MLXIP: variants seen among roughly 807,000 people sequenced by gnomAD.
MLXIP encodes the protein MLX interacting protein.
Under a neutral mutation model 87.2 loss-of-function variants are expected in MLXIP, and 30 were observed. The observed-to-expected ratio is 0.34, with a 90% confidence interval of 0.26 to 0.47. The LOEUF is 0.47. MLXIP is among the 20% of genes least tolerant of loss of function. The pLI, the probability that MLXIP is intolerant of heterozygous loss-of-function variation, is 1.00. For missense variants in MLXIP, 1,002 were observed against 1,240.1 expected, an observed-to-expected ratio of 0.81 and a Z score of 2.88; for synonymous variants, 530 against 514.0, an observed-to-expected ratio of 1.03 and a Z score of -0.42.
At position 122,133,929 on chromosome 12, in the gene MLXIP, G is replaced by A. The variant is rs773764178; in HGVS notation, c.1674G>A (p.Val558=). 7.5e-6 allele frequency: 12 copies of A among 1,607,922 alleles called. No individual in the cohort carries two copies. Among genetic ancestry groups the A allele is most frequent in the Non-Finnish European group, 1.0e-5 (12 of 1,177,574 alleles). ...GGCCTAAGCAGCCCCACAAAATAGTGCCTGCTCCCAAACCAGAGCCCGTGT... is the reference window on the plus strand; with the variant it reads ...GGCCTAAGCAGCCCCACAAAATAGTACCTGCTCCCAAACCAGAGCCCGTGT... The part of the protein sequence containing the change: ...GGRPKQPHKI[V]PAPKPEPVSL... The change falls in exon 9 of 17, where the codon GTG becomes GTA. Residue 558 remains valine, a synonymous_variant. Coordinates refer to ENST00000319080, the MANE Select transcript of MLXIP (RefSeq NM_014938.6). The surrounding 1 kb of genome is among the most constrained non-coding windows in gnomAD (Gnocchi z 4.9).
chr12:122,117,945 T>G (rs1245944418), intron 1 of MLXIP, among the ~76,000 whole-genome samples: 1 of 152,234 alleles, frequency 6.6e-6, no homozygotes, highest in Admixed American at 6.5e-5. Flanking sequence ...AACCTCAGCC[T>G]TGTTAAGTTG....
chr12:122,111,402 T>C (rs1281533422), intron 1 of MLXIP, among the ~76,000 whole-genome samples: 1 of 152,216 alleles, frequency 6.6e-6, no homozygotes, highest in Non-Finnish European at 1.5e-5. Context: ...GTGTCTGCAA[T>C]TGGGTAGAGT....
chr12:122,097,411 A>T (rs1004973118), intron 1 of MLXIP, among the ~76,000 whole-genome samples: 1 of 152,096 alleles, frequency 6.6e-6, no homozygotes. Flanking sequence ...ACTTGAACCC[A>T]GGAGTTCCAT....
intron 1 of MLXIP, among the ~76,000 whole-genome samples, chr12:122,098,728 GTGCTTGACAAAGCCA>G (rs1179962614): frequency 6.6e-6 from 1 of 152,226 alleles, no homozygotes; most frequent in Admixed American, 6.5e-5. Context: ...CTCTTGGGCT[GTGCTTGACAAAGCCA>G]TCATTGTTTT....
intron 9 of MLXIP, chr12:122,134,440 C>A (rs1953045963): frequency 8.2e-6 from 1 of 122,484 alleles, no homozygotes; most frequent in African/African-American, 2.9e-5. Flanking sequence ...GATCTCGGCT[C>A]ACTGCAACCT....
intron 4 of MLXIP, 31 bp downstream of exon 4, chr12:122,129,257 C>T (rs768050322): frequency 6.4e-7 from 1 of 1,568,578 alleles, no homozygotes; most frequent in Non-Finnish European, 8.7e-7. Flanking sequence ...GGCAGCCCGC[C>T]TAGGGAGGGA....
At chr12:122,130,237 A>G in intron 6 of MLXIP, 125 bp downstream of exon 6, 1 of 1,007,460 alleles carries the variant, frequency 9.9e-7, no homozygotes, top group Non-Finnish European at 1.4e-6. Context: ...GGGGGCAGGC[A>G]GTAAGGAAGG....
At position 122,138,905 on chromosome 12, in the gene MLXIP, A is replaced by T; in HGVS notation, c.2475A>T (p.Lys825Asn). Residue 825 changes from lysine to asparagine, a missense_variant, in exon 15 of 17, where the codon AAA (lysine) becomes AAT (asparagine). Around this residue, in one of 3 missense-constraint regions of MLXIP, gnomAD observed 746 missense variants for 897.0 expected, o/e 0.83. Coordinates refer to ENST00000319080, the MANE Select transcript of MLXIP (RefSeq NM_014938.6). ...HMKDMFDEYV[K>N]TRTLQNWKFW... ...AAGACATGTTTGACGAATACGTGAA[A>T]ACCCGGACCTTGCAGAATTGGAAGT... 1.2e-6 allele frequency: 2 copies of T among 1,614,064 alleles called. No individual in the cohort carries two copies. The highest frequency in any genetic ancestry group is 1.7e-6 in the Non-Finnish European group (2 of 1,179,906).
chr12:122,114,759 G>GT (rs1391089094), intron 1 of MLXIP, among the ~76,000 whole-genome samples: 966 of 40,584 alleles, frequency 0.024, 11 homozygotes, highest in Middle Eastern at 0.21. Context: ...TTTTTTTGGT[G>GT]GGGGGGGACA....
intron 9 of MLXIP, chr12:122,134,896 A>T (rs1593114374): frequency 2.9e-6 from 1 of 343,358 alleles, no homozygotes; most frequent in East Asian, 7.9e-5. Context: ...CTGGTCTCGA[A>T]CTCCTGACCT....
chr12:122,132,989 G>A (rs1367899796), intron 8 of MLXIP: 2 of 221,674 alleles, frequency 9.0e-6, no homozygotes, highest in South Asian at 1.6e-4. Context: ...ATTGTCCTCG[G>A]GGATTCCCGA....
At chr12:122,128,968 A>G (rs2135971945) in intron 3 of MLXIP, 169 bp from the exon 4 acceptor site, 4 of 632,618 alleles carry the variant, frequency 6.3e-6, no homozygotes, top group South Asian at 3.7e-5. Flanking sequence ...AGGGTCTGCT[A>G]TAGCATGGAA....
Position 122,133,185 on chromosome 12 carries a change from A to G in MLXIP, c.1093-163A>G, listed in dbSNP as rs1297817722. 8 of 716,712 alleles carry G rather than the reference A, an allele frequency of 1.1e-5. No individual in the cohort carries two copies. Among genetic ancestry groups the G allele is most frequent in the Non-Finnish European group, 1.7e-5 (8 of 469,902 alleles). The allele number at this position is 716,712 out of a possible 1,614,324, so 44.4% of individuals were successfully genotyped here. On this transcript the variant is annotated intron_variant, in intron 8 of 16. Transcript: ENST00000319080. The surrounding 1 kb of genome is among the most constrained non-coding windows in gnomAD (Gnocchi z 4.9). The stretch of plus-strand genomic sequence containing the variant: ...ACAAGACCCCCGCAGACACGCAGGG[A>G]AACACAAATCCCTATCAGATCAGCA...
At chr12:122,114,106 G>C (rs1443209893) in intron 1 of MLXIP, among the ~76,000 whole-genome samples, 1 of 151,106 alleles carries the variant, frequency 6.6e-6, no homozygotes, top group African/African-American at 2.4e-5. Flanking sequence ...TCCTGCCTCA[G>C]CCTCCTAAGT....
At chr12:122,123,756 T>C (rs1447834869) in intron 1 of MLXIP, among the ~76,000 whole-genome samples, 2 of 152,106 alleles carry the variant, frequency 1.3e-5, no homozygotes, top group Non-Finnish European at 2.9e-5. Flanking sequence ...CTGGAGTGCA[T>C]TGGTGCCATC....
intron 7 of MLXIP, 146 bp downstream of exon 7, chr12:122,131,079 T>G: frequency 1.6e-6 from 1 of 609,392 alleles, no homozygotes. Context: ...TGAACTGTTT[T>G]TTGTAGTAAC....
At chr12:122,099,801 A>T (rs990211224) in intron 1 of MLXIP, among the ~76,000 whole-genome samples, 6 of 152,160 alleles carry the variant, frequency 3.9e-5, no homozygotes, top group African/African-American at 1.2e-4. Flanking sequence ...TGGAAATCCC[A>T]GCCCTGAAGG....
intron 16 of MLXIP, 132 bp from the exon 17 acceptor site, chr12:122,141,559 C>T: frequency 1.4e-6 from 2 of 1,413,930 alleles, no homozygotes; most frequent in Non-Finnish European, 1.9e-6. Context: ...TGGCACTCCT[C>T]CCTGCAGTCC....
rs148138950 is a variant in MLXIP, at chr12:122,099,660, G to T, written c.413+20394G>T. Reference sequence around the variant, plus strand: ...CAGTTCCTCTGCTGAACTCCCTCAGGGGGAGGAGCAGAGCCTCAGGGCTTT... The same window carrying T: ...CAGTTCCTCTGCTGAACTCCCTCAGTGGGAGGAGCAGAGCCTCAGGGCTTT... On this transcript the variant is annotated intron_variant, in intron 1 of 16. Transcript: ENST00000319080. Among the ~76,000 whole-genome samples, 15 of 152,342 alleles carry T rather than the reference G, an allele frequency of 9.8e-5. No individual in the cohort carries two copies. The South Asian group carries it at 1.2e-3, about 13-fold the overall frequency.
Sources: gnomAD v4.1 joint callset for allele counts (sites outside exome capture counted in the v4.1 genomes callset) on GRCh38, gnomAD v4.1.1 for gene constraint, gnomAD v4.1.1 regional missense constraint, Gnocchi (gnomAD v3.1) non-coding constraint, MANE v1.5 for transcripts, NCBI Gene and HGNC (gene_info 2026-07-23, HGNC 2026-07-21) for gene names.